Variants in COL8A1 observed in about 807,000 individuals in gnomAD.
COL8A1 encodes the protein collagen type VIII alpha 1 chain.
In COL8A1, 21 loss-of-function variants were observed where a neutral mutation model predicts 42.7. The observed-to-expected ratio is 0.49, with a 90% CI of 0.35 to 0.71. COL8A1 has a LOEUF of 0.71. COL8A1 is among the 30% of genes least tolerant of loss of function. The pLI is 0.01. For synonymous variants in COL8A1, 367 were observed against 369.1 expected (o/e 0.99, Z 0.06); for missense variants, 788 against 962.4 (o/e 0.82, Z 2.40).
At chr3:99,778,197 T>C (rs748543713) in intron 2 of COL8A1, among the ~76,000 whole-genome samples, 1 of 152,212 alleles carries the variant, frequency 6.6e-6, no homozygotes, top group Non-Finnish European at 1.5e-5. Context: ...AATAGCCTAC[T>C]GCCTGACTCT....
chr3:99,795,459 G>C lies in COL8A1; in HGVS notation c.1558G>C (p.Glu520Gln). The stretch of plus-strand genomic sequence containing the variant: ...ACCTGGGATTCCAGGCCCCAAAGGG[G>C]AGCCGGGCCTCCCAGGGCCCCCTGG... ...GPPGIPGPKG[E>Q]PGLPGPPGFP... Residue 520 changes from glutamate to glutamine, a missense_variant, in exon 4 of 4, where the codon GAG (glutamate) becomes CAG (glutamine). Physicochemically the swap from Glu to Gln is conservative, Grantham distance 29. This residue lies in a region of COL8A1 where 154 missense variants were observed against 182.3 expected (regional missense o/e 0.84). Coordinates refer to ENST00000652472, the MANE Select transcript of COL8A1 (RefSeq NM_020351.4). 2 of 1,524,216 alleles carry C rather than the reference G, an allele frequency of 1.3e-6. No homozygotes were observed. Among genetic ancestry groups the C allele is most frequent in the Non-Finnish European group, 1.8e-6 (2 of 1,134,124 alleles). 94.4% of individuals were successfully genotyped at this position (1,524,216 alleles called of 1,614,324 possible).
rs1228877746 is a variant in COL8A1 at position 99,645,143 on chromosome 3, A to T, written c.-129+6479A>T. ...CAACTAGCATGGTGTCTACACTCTG[A>T]CGATAAGCCTAAACTTCATTCATAA... On this transcript the variant is annotated intron_variant, in intron 1 of 3. Transcript: ENST00000652472. Among the ~76,000 whole-genome samples, 3 of 152,338 alleles carry T rather than the reference A, an allele frequency of 2.0e-5. No homozygotes were observed. In the East Asian group the frequency reaches 5.8e-4, roughly 29 times the overall value.
intron 1 of COL8A1, among the ~76,000 whole-genome samples, chr3:99,744,532 T>C (rs1447764233): frequency 6.6e-6 from 1 of 152,252 alleles, no homozygotes; most frequent in Non-Finnish European, 1.5e-5. Context: ...AAATGTATTG[T>C]TTAAAAAGTT....
intron 3 of COL8A1, among the ~76,000 whole-genome samples, chr3:99,792,379 C>T (rs1476675312): frequency 6.6e-6 from 1 of 152,160 alleles, no homozygotes; most frequent in Non-Finnish European, 1.5e-5. Flanking sequence ...TAAGGTGCTA[C>T]TAGTGACATA....
chr3:99,795,030 A>G lies in COL8A1; in HGVS notation c.1129A>G (p.Lys377Glu). The G allele has an allele frequency of 6.2e-7, 1 of 1,608,784 alleles. No individual in the cohort carries two copies. The highest frequency in any genetic ancestry group is 1.1e-5 in the South Asian group (1 of 90,578). The change falls in exon 4 of 4, where the codon AAA becomes GAA. Residue 377 changes from lysine to glutamate, a missense_variant. Around this residue, in one of 4 missense-constraint regions of COL8A1, gnomAD observed 421 missense variants for 553.1 expected, o/e 0.76. Coordinates refer to ENST00000652472, the MANE Select transcript of COL8A1 (RefSeq NM_020351.4). ...VPGALGPRGEKGPIGAPGIGG... is the reference protein window; with the variant it reads ...VPGALGPRGEEGPIGAPGIGG... ...TGGGGCTCTTGGACCAAGAGGGGAG[A>G]AAGGACCAATAGGTGCCCCAGGAAT...
chr3:99,779,522 C>A (rs1941754698), intron 2 of COL8A1, among the ~76,000 whole-genome samples: 1 of 152,160 alleles, frequency 6.6e-6, no homozygotes, highest in African/African-American at 2.4e-5. Context: ...AAAGCCAAAG[C>A]CCTTTGCAGT....
rs543066436 is a variant in COL8A1, at chr3:99,797,280, CT to C, written c.*1154del. On this transcript the variant is annotated 3_prime_UTR_variant, in exon 4 of 4. Coordinates refer to ENST00000652472, the MANE Select transcript of COL8A1 (RefSeq NM_020351.4). ...CTGAGGTTCCAAAGTCAATTTTTTTCTTTTTTTTTTGAGATGGAGTCTTACT... is the reference window on the plus strand; with the variant it reads ...CTGAGGTTCCAAAGTCAATTTTTTTCTTTTTTTTTGAGATGGAGTCTTACT... 55 of 148,552 alleles carry C rather than the reference CT, an allele frequency of 3.7e-4. No homozygotes were observed. Among genetic ancestry groups the C allele is most frequent in the African/African-American group, 1.2e-3 (50 of 40,576 alleles). 9.2% of individuals were successfully genotyped at this position (148,552 alleles called of 1,614,324 possible).
chr3:99,712,449 T>C (rs887831018), intron 1 of COL8A1, among the ~76,000 whole-genome samples: 51 of 152,172 alleles, frequency 3.4e-4, no homozygotes, highest in Admixed American at 2.4e-3. Context: ...TTCTTTTCCA[T>C]AGTCCACCTC....
chr3:99,664,583 C>T (rs1016697054), intron 1 of COL8A1, among the ~76,000 whole-genome samples: 2 of 152,210 alleles, frequency 1.3e-5, no homozygotes, highest in Non-Finnish European at 2.9e-5. Context: ...TCTTTTACTC[C>T]TCCTCCCAGC....
At chr3:99,676,116 C>G (rs1409453017) in intron 1 of COL8A1, among the ~76,000 whole-genome samples, 1 of 151,876 alleles carries the variant, frequency 6.6e-6, no homozygotes, top group East Asian at 1.9e-4. Flanking sequence ...GAAATTATTA[C>G]CAAACTACAC....
intron 1 of COL8A1, among the ~76,000 whole-genome samples, chr3:99,725,362 C>T (rs1940278071): frequency 6.6e-6 from 1 of 151,874 alleles, no homozygotes; most frequent in Admixed American, 6.6e-5. Context: ...AAAGAAGCAG[C>T]ACATCATAAA....
chr3:99,669,313 C>G (rs1236743158), intron 1 of COL8A1, among the ~76,000 whole-genome samples: 1 of 151,702 alleles, frequency 6.6e-6, no homozygotes, highest in Non-Finnish European at 1.5e-5. Flanking sequence ...GTAAACCAAA[C>G]TAAGGAGGTT....
intron 2 of COL8A1, among the ~76,000 whole-genome samples, chr3:99,751,151 T>C (rs974135716): frequency 2.2e-4 from 33 of 152,218 alleles, no homozygotes; most frequent in Admixed American, 8.5e-4. Context: ...GAGTTATTTG[T>C]GCCATTTAAT....
At chr3:99,671,429 C>A (rs1938541338) in intron 1 of COL8A1, among the ~76,000 whole-genome samples, 1 of 151,820 alleles carries the variant, frequency 6.6e-6, no homozygotes, top group East Asian at 1.9e-4. Flanking sequence ...GTGGAATAAC[C>A]AAATCAAGCT....
chr3:99,765,294 T>A (rs1447827516), intron 2 of COL8A1, among the ~76,000 whole-genome samples: 1 of 152,098 alleles, frequency 6.6e-6, no homozygotes, highest in Non-Finnish European at 1.5e-5. Flanking sequence ...TCTGGTAAAC[T>A]GCTCAAACTC....
chr3:99,676,972 C>T (rs1282833108), intron 1 of COL8A1, among the ~76,000 whole-genome samples: 1 of 151,890 alleles, frequency 6.6e-6, no homozygotes, highest in Non-Finnish European at 1.5e-5. Context: ...AATGCCACCA[C>T]TTTGGGAGGC....
At chr3:99,792,034 A>G (rs1417111686) in intron 3 of COL8A1, among the ~76,000 whole-genome samples, 1 of 152,178 alleles carries the variant, frequency 6.6e-6, no homozygotes, top group Non-Finnish European at 1.5e-5. Flanking sequence ...TGTGCTAGAC[A>G]CCAGGGATTC....
At chr3:99,699,153 T>G (rs1471295134) in intron 1 of COL8A1, among the ~76,000 whole-genome samples, 1 of 152,198 alleles carries the variant, frequency 6.6e-6, no homozygotes, top group South Asian at 2.1e-4. Flanking sequence ...CTCCATCACA[T>G]GTATCCAAAC....
At position 99,755,010 on chromosome 3, in the gene COL8A1, C is replaced by T. The variant is rs952073910; in HGVS notation, c.-4+9989C>T. ...ATTAAAATACAGTAGGGTAAACTAT[C>T]AGTACCTCATTTTAGTAGATTTCTT... On this transcript the variant is annotated intron_variant, in intron 2 of 3. Coordinates refer to ENST00000652472, the MANE Select transcript of COL8A1 (RefSeq NM_020351.4). Among the ~76,000 whole-genome samples, 3 of 152,262 alleles carry T rather than the reference C, an allele frequency of 2.0e-5. No individual in the cohort carries two copies. In the East Asian group the frequency reaches 5.8e-4, roughly 29 times the overall value.
Sources: gnomAD v4.1 joint callset for allele counts (sites outside exome capture counted in the v4.1 genomes callset) on GRCh38, gnomAD v4.1.1 for gene constraint, gnomAD v4.1.1 regional missense constraint, MANE v1.5 for transcripts, NCBI Gene and HGNC (gene_info 2026-07-23, HGNC 2026-07-21) for gene names.